KLHL29: variants seen among roughly 807,000 people sequenced by gnomAD.
KLHL29 encodes the protein kelch like family member 29, also known as kelch-like protein 29.
Under a neutral mutation model 80.4 loss-of-function variants are expected in KLHL29, and 21 were observed. The ratio of observed to expected loss-of-function variants is 0.26; its 90% confidence interval spans 0.19 to 0.38. The LOEUF (loss-of-function observed/expected upper bound fraction) is 0.38. Among genes scored for constraint, KLHL29 ranks in the 10% least tolerant of loss-of-function variants. The pLI is 1.00. For missense variants in KLHL29, 867 were observed against 1,223.9 expected (o/e 0.71, Z 4.35); for synonymous variants, 511 against 526.8 (o/e 0.97, Z 0.41).
intron 2 of KLHL29, among the ~76,000 whole-genome samples, chr2:23,533,213 G>C (rs886658036): frequency 6.6e-6 from 1 of 152,188 alleles, no homozygotes; most frequent in Admixed American, 6.5e-5. Context: ...ATGTGTGAGT[G>C]TGTGCAGATC....
intron 1 of KLHL29, among the ~76,000 whole-genome samples, chr2:23,470,529 G>A (rs532367258): frequency 3.3e-5 from 5 of 152,300 alleles, no homozygotes; most frequent in African/African-American, 1.2e-4. Context: ...TCATAAATTT[G>A]TTAGAACAGG....
intron 1 of KLHL29, among the ~76,000 whole-genome samples, chr2:23,463,010 A>C (rs1288605182): frequency 6.6e-6 from 1 of 151,732 alleles, no homozygotes; most frequent in Non-Finnish European, 1.5e-5. Context: ...ATTTAGAAAT[A>C]TTTCCACTTA....
chr2:23,503,660 C>T lies in KLHL29; in HGVS notation c.-46+27993C>T, dbSNP rs1042011948. Among the ~76,000 whole-genome samples, 1 of 151,954 alleles carries T rather than the reference C, an allele frequency of 6.6e-6. No individual in the cohort carries two copies. Among genetic ancestry groups the T allele is most frequent in the African/African-American group, 2.4e-5 (1 of 41,354 alleles). On this transcript the variant is annotated intron_variant, in intron 2 of 13. Coordinates refer to ENST00000486442, the MANE Select transcript of KLHL29 (RefSeq NM_052920.2). This position sits in a 1 kb window ranked among gnomAD's most constrained non-coding sequence, Gnocchi z 4.0. Reference sequence around the variant, plus strand: ...TCCTTTGTTGGGTAGGAGCTGCCCCCGTCCATGTTCCAGCTCCTCCCAGGC... The same window carrying T: ...TCCTTTGTTGGGTAGGAGCTGCCCCTGTCCATGTTCCAGCTCCTCCCAGGC...
chr2:23,702,451 A>G (rs547361535), intron 11 of KLHL29, among the ~76,000 whole-genome samples: 1 of 152,320 alleles, frequency 6.6e-6, no homozygotes, highest in Non-Finnish European at 1.5e-5. Flanking sequence ...ATAAAGTCAA[A>G]AAATCCTAAG....
At chr2:23,548,683 T>C (rs1376856536) in intron 2 of KLHL29, among the ~76,000 whole-genome samples, 2 of 152,114 alleles carry the variant, frequency 1.3e-5, no homozygotes, top group Admixed American at 6.5e-5. Flanking sequence ...AGTGAGCGCG[T>C]GGCAAGCAGT....
chr2:23,531,458 C>G (rs1426550586), intron 2 of KLHL29, among the ~76,000 whole-genome samples: 1 of 152,228 alleles, frequency 6.6e-6, no homozygotes, highest in Non-Finnish European at 1.5e-5. Flanking sequence ...CTCCGCCTCC[C>G]TCGTGGGGCT....
chr2:23,452,961 C>A (rs1162082032), intron 1 of KLHL29, among the ~76,000 whole-genome samples: 2 of 151,924 alleles, frequency 1.3e-5, no homozygotes, highest in African/African-American at 4.8e-5. Context: ...TTCCACATAA[C>A]CACTTCCTTT....
Position 23,485,455 on chromosome 2 carries a change from C to T in KLHL29, c.-46+9788C>T, listed in dbSNP as rs1664909709. Among the ~76,000 whole-genome samples the T allele has an allele frequency of 2.6e-5, 4 of 152,188 alleles. No individual in the cohort carries two copies. In the South Asian group the frequency reaches 8.3e-4, roughly 31 times the overall value. Reference sequence around the variant, plus strand: ...TTAGGGCAGAGGGTGACGCACTGACCCTGCTCTCCCAAGGCCACCACCCCT... The same window carrying T: ...TTAGGGCAGAGGGTGACGCACTGACTCTGCTCTCCCAAGGCCACCACCCCT... On this transcript the variant is annotated intron_variant, in intron 2 of 13. Coordinates refer to ENST00000486442, the MANE Select transcript of KLHL29 (RefSeq NM_052920.2).
At chr2:23,399,632 G>A (rs1666540245) in intron 1 of KLHL29, among the ~76,000 whole-genome samples, 2 of 152,192 alleles carry the variant, frequency 1.3e-5, no homozygotes. Context: ...AGCCTCAAGT[G>A]TTCAGTTCAC....
chr2:23,676,490 G>A (rs987941102), intron 5 of KLHL29, among the ~76,000 whole-genome samples: 1 of 152,188 alleles, frequency 6.6e-6, no homozygotes, highest in South Asian at 2.1e-4. Flanking sequence ...CCGAGGATGG[G>A]ATTTTAAGTG....
At chr2:23,544,778 C>T (rs925545499) in intron 2 of KLHL29, among the ~76,000 whole-genome samples, 3 of 151,984 alleles carry the variant, frequency 2.0e-5, no homozygotes, top group African/African-American at 7.3e-5. Flanking sequence ...GTGCAAAGGT[C>T]CTGAGGTAGA....
intron 6 of KLHL29, among the ~76,000 whole-genome samples, chr2:23,687,731 TG>T (rs1671332478): frequency 6.6e-6 from 1 of 151,690 alleles, no homozygotes. Flanking sequence ...GGCAGACAAG[TG>T]GGGAAGAGCA....
intron 1 of KLHL29, among the ~76,000 whole-genome samples, chr2:23,454,763 C>T (rs1460752593): frequency 6.6e-6 from 1 of 151,730 alleles, no homozygotes; most frequent in Non-Finnish European, 1.5e-5. Context: ...TGCAATCTCT[C>T]CCCGCCTTGC....
At chr2:23,543,124 G>A (rs1241434544) in intron 2 of KLHL29, among the ~76,000 whole-genome samples, 1 of 152,124 alleles carries the variant, frequency 6.6e-6, no homozygotes, top group Non-Finnish European at 1.5e-5. Context: ...TGCCGTCTGC[G>A]CCTCATCCTC....
intron 5 of KLHL29, among the ~76,000 whole-genome samples, chr2:23,656,516 T>C (rs767312080): frequency 1.3e-5 from 2 of 152,268 alleles, no homozygotes; most frequent in Non-Finnish European, 1.5e-5. Context: ...TTCACCCGAC[T>C]TCTGGGGCCA....
chr2:23,445,880 C>G (rs1249402949), intron 1 of KLHL29, among the ~76,000 whole-genome samples: 1 of 152,124 alleles, frequency 6.6e-6, no homozygotes, highest in Non-Finnish European at 1.5e-5. Context: ...TAAGGGCCAT[C>G]TCCCCTTTTC....
Position 23,695,479 on chromosome 2 carries a change from T to C in KLHL29, c.1543-144T>C. On this transcript the variant is annotated intron_variant, in intron 8 of 13. Transcript: ENST00000486442. This position sits in a 1 kb window ranked among gnomAD's most constrained non-coding sequence, Gnocchi z 7.6. Reference sequence around the variant, plus strand: ...CTGACTAGACTTCCCTTCACCTCTGTCTAGGCTAGCAGAGTATCTACACTC... The same window carrying C: ...CTGACTAGACTTCCCTTCACCTCTGCCTAGGCTAGCAGAGTATCTACACTC... 1.5e-6 allele frequency: 1 copy of C among 653,708 alleles called. No individual in the cohort carries two copies. The highest frequency in any genetic ancestry group is 2.6e-6 in the Non-Finnish European group (1 of 388,346). The allele number at this position is 653,708 out of a possible 1,614,324, so 40.5% of individuals were successfully genotyped here.
chr2:23,586,549 T>TG (rs1167087907), intron 3 of KLHL29, among the ~76,000 whole-genome samples: 2 of 151,742 alleles, frequency 1.3e-5, no homozygotes, highest in African/African-American at 2.4e-5. Context: ...TTAGTAGAGA[T>TG]GGGGTTTCAC....
chr2:23,492,404 A>G (rs1665129214), intron 2 of KLHL29, among the ~76,000 whole-genome samples: 1 of 152,176 alleles, frequency 6.6e-6, no homozygotes, highest in Non-Finnish European at 1.5e-5. Flanking sequence ...CGCTTCTGAA[A>G]ACCCCTGCAC....
Sources: gnomAD v4.1 joint callset for allele counts (sites outside exome capture counted in the v4.1 genomes callset) on GRCh38, gnomAD v4.1.1 for gene constraint, Gnocchi (gnomAD v3.1) non-coding constraint, MANE v1.5 for transcripts, NCBI Gene and HGNC (gene_info 2026-07-23, HGNC 2026-07-21) for gene names.